The following ZPLD1 variants were observed in gnomAD, a reference collection of about 807,000 sequenced individuals.
ZPLD1 encodes the protein zona pellucida-like domain-containing protein 1.
Under a neutral mutation model 47.2 loss-of-function variants are expected in ZPLD1, and 34 were observed. The ratio of observed to expected loss-of-function variants is 0.72; its 90% CI spans 0.55 to 0.96. The LOEUF (loss-of-function observed/expected upper bound fraction) is 0.96, where lower values mean the gene tolerates loss of function less well. Ranked by LOEUF, ZPLD1 falls within the 40% of genes least tolerant of loss-of-function variation. ZPLD1 has a pLI of 0.00. For synonymous variants in ZPLD1, 176 were observed against 186.2 expected (o/e 0.95, Z 0.45); for missense variants, 512 against 505.8 (o/e 1.01, Z -0.12).
chr3:102,424,236 A>G (rs1366120272), intron 8 of ZPLD1, among the ~76,000 whole-genome samples: 1 of 152,126 alleles, frequency 6.6e-6, no homozygotes, highest in Non-Finnish European at 1.5e-5. Context: ...AGTCTCTTGA[A>G]TATACATATT....
chr3:102,387,725 CT>C (rs1163096819), intron 6 of ZPLD1, among the ~76,000 whole-genome samples: 8 of 150,780 alleles, frequency 5.3e-5, no homozygotes, highest in Non-Finnish European at 1.0e-4. Flanking sequence ...TTTGAATTTT[CT>C]TTTTTATATT....
At chr3:102,407,442 T>TATAC (rs1553708474) in intron 7 of ZPLD1, among the ~76,000 whole-genome samples, 225 of 95,320 alleles carry the variant, frequency 2.4e-3, no homozygotes, top group Non-Finnish European at 4.0e-3. Flanking sequence ...TATATATATA[T>TATAC]ACACACATAT....
chr3:102,460,713 T>G (rs1707493086), intron 6 of ZPLD1, among the ~76,000 whole-genome samples: 1 of 151,966 alleles, frequency 6.6e-6, no homozygotes, highest in Admixed American at 6.5e-5. Context: ...GAAAATTACC[T>G]CTTAGAAGCA....
chr3:102,427,390 T>C (rs191907929), intron 8 of ZPLD1, among the ~76,000 whole-genome samples: 87 of 152,278 alleles, frequency 5.7e-4, no homozygotes, highest in African/African-American at 1.8e-3. Context: ...TTATCTCTTA[T>C]ACAATGACCA....
At chr3:102,457,933 A>C in intron 6 of ZPLD1, 80 bp downstream of exon 6, 1 of 1,394,508 alleles carries the variant, frequency 7.2e-7, no homozygotes, top group Non-Finnish European at 1.0e-6. Flanking sequence ...TTATATAAAA[A>C]TCTACTGAAA....
intron 4 of ZPLD1, among the ~76,000 whole-genome samples, chr3:102,455,214 A>T (rs1707394633): frequency 6.6e-6 from 1 of 152,238 alleles, no homozygotes; most frequent in South Asian, 2.1e-4. Context: ...TTAGTAATAT[A>T]GTAGTATCTG....
chr3:102,416,267 A>G (rs1706803294), intron 7 of ZPLD1, among the ~76,000 whole-genome samples: 1 of 151,942 alleles, frequency 6.6e-6, no homozygotes, highest in African/African-American at 2.4e-5. Flanking sequence ...GAAAGCCTGT[A>G]ATGGAATTAC....
chr3:102,469,443 G>A (rs1414282145), intron 9 of ZPLD1, among the ~76,000 whole-genome samples: 1 of 152,188 alleles, frequency 6.6e-6, no homozygotes, highest in Non-Finnish European at 1.5e-5. Flanking sequence ...ACAAATATAT[G>A]GGTTGTAGTA....
chr3:102,407,838 A>G (rs1706708123), intron 7 of ZPLD1, among the ~76,000 whole-genome samples: 1 of 151,772 alleles, frequency 6.6e-6, no homozygotes. Context: ...ATTTATAGCA[A>G]ATAATAAAAT....
chr3:102,464,354 C>G (rs1270382320), intron 8 of ZPLD1, 103 bp downstream of exon 8: 3 of 767,346 alleles, frequency 3.9e-6, no homozygotes, highest in Non-Finnish European at 6.1e-6. Context: ...ACTATTATAG[C>G]TTTTGAATTT....
chr3:102,433,345 A>G (rs568263479), upstream of ZPLD1, among the ~76,000 whole-genome samples: 1 of 152,286 alleles, frequency 6.6e-6, no homozygotes, highest in East Asian at 1.9e-4. Context: ...CTGTCTGCTT[A>G]GCATTGGGCA....
chr3:102,413,703 A>AT (rs1305922855), intron 7 of ZPLD1, among the ~76,000 whole-genome samples: 1 of 151,758 alleles, frequency 6.6e-6, no homozygotes, highest in East Asian at 1.9e-4. Context: ...AAGCAATGAG[A>AT]TTTTAGTAGA....
upstream of ZPLD1, among the ~76,000 whole-genome samples, chr3:102,430,676 A>T (rs565024035): frequency 1.1e-3 from 165 of 152,356 alleles, no homozygotes; most frequent in African/African-American, 3.8e-3. Flanking sequence ...GTTGGTACCC[A>T]TGAACATACA....
chr3:102,417,190 T>A (rs1178743258), intron 7 of ZPLD1, among the ~76,000 whole-genome samples: 2 of 151,902 alleles, frequency 1.3e-5, no homozygotes, highest in Non-Finnish European at 2.9e-5. Flanking sequence ...GTTAGCGCAA[T>A]GTGCTTTTTT....
upstream of ZPLD1, among the ~76,000 whole-genome samples, chr3:102,433,024 G>A (rs1312359219): frequency 2.6e-5 from 4 of 152,096 alleles, no homozygotes; most frequent in African/African-American, 9.7e-5. Flanking sequence ...TTTACTTGTA[G>A]ATTTTGGTTC....
chr3:102,453,159 G>C lies in ZPLD1; in HGVS notation c.327+20G>C, dbSNP rs1285485637. 2 of 1,605,294 alleles carry C rather than the reference G, an allele frequency of 1.2e-6. No individual in the cohort carries two copies. Among genetic ancestry groups the C allele is most frequent in the Admixed American group, 3.3e-5 (2 of 59,854 alleles). On this transcript the variant is annotated intron_variant, in intron 4 of 11. Transcript: ENST00000466937. ...CTGGTGGTAAGATTAGTGTGACATT[G>C]TGTGCTAGGTCTGGGGTCATAAATA...
chr3:102,434,498 C>T (rs1027981519), upstream of ZPLD1, among the ~76,000 whole-genome samples: 2 of 152,070 alleles, frequency 1.3e-5, no homozygotes, highest in Admixed American at 1.3e-4. Context: ...TTATGAGATA[C>T]AGATGTCTCT....
intron 6 of ZPLD1, among the ~76,000 whole-genome samples, chr3:102,386,552 T>G (rs1418864920): frequency 6.6e-6 from 1 of 152,182 alleles, no homozygotes; most frequent in Non-Finnish European, 1.5e-5. Flanking sequence ...TGATTAGTAA[T>G]TTCAGAACCT....
intron 9 of ZPLD1, among the ~76,000 whole-genome samples, chr3:102,469,924 A>G (rs1707655627): frequency 6.6e-6 from 1 of 152,192 alleles, no homozygotes; most frequent in African/African-American, 2.4e-5. Flanking sequence ...AATTTGAAAT[A>G]CCATTAATAT....
Sources: allele counts gnomAD v4.1 joint callset (sites outside exome capture counted in the v4.1 genomes callset), GRCh38; gene constraint gnomAD v4.1.1; transcripts MANE v1.5; gene names NCBI Gene and HGNC (gene_info 2026-07-23, HGNC 2026-07-21).